Variants in DKK2 observed in about 807,000 individuals in gnomAD.
DKK2 encodes dickkopf-related protein 2.
DKK2 carries 11 observed loss-of-function variants against 28.1 expected under a neutral mutation model. That is an observed-to-expected ratio of 0.39 (90% confidence interval 0.25 to 0.65). DKK2 has a LOEUF of 0.65. DKK2 is among the 30% of genes least tolerant of loss of function. DKK2 has a pLI of 0.47. For synonymous variants in DKK2, 135 were observed against 126.5 expected (o/e 1.07, Z -0.45); for missense variants, 326 against 335.5 (o/e 0.97, Z 0.22).
chr4:106,935,521 C>T (rs529613258), intron 1 of DKK2, among the ~76,000 whole-genome samples: 142 of 152,304 alleles, frequency 9.3e-4, no homozygotes, highest in East Asian at 5.6e-3. Flanking sequence ...AACTGCAAGG[C>T]GGCAGCGAGG....
chr4:106,990,451 C>T (rs1344372461), intron 1 of DKK2, among the ~76,000 whole-genome samples: 5 of 152,178 alleles, frequency 3.3e-5, no homozygotes, highest in African/African-American at 9.7e-5. Context: ...GATTGAGATA[C>T]ACAACCAACC....
At chr4:106,942,966 T>C (rs894103933) in intron 1 of DKK2, among the ~76,000 whole-genome samples, 1 of 152,154 alleles carries the variant, frequency 6.6e-6, no homozygotes, top group African/African-American at 2.4e-5. Flanking sequence ...TCTTGTATTA[T>C]ACACTCCAGC....
intron 1 of DKK2, among the ~76,000 whole-genome samples, chr4:106,953,608 C>T (rs1385874976): frequency 6.6e-6 from 1 of 152,156 alleles, no homozygotes; most frequent in African/African-American, 2.4e-5. Context: ...ATTTCCTACT[C>T]TTTCCACCCA....
intron 1 of DKK2, among the ~76,000 whole-genome samples, chr4:106,985,498 A>C (rs1200530911): frequency 1.3e-5 from 2 of 151,988 alleles, no homozygotes; most frequent in Non-Finnish European, 2.9e-5. Context: ...AATTATCTGA[A>C]AAAAAAGTTT....
At chr4:106,971,900 G>A (rs186354218) in intron 1 of DKK2, among the ~76,000 whole-genome samples, 1 of 152,082 alleles carries the variant, frequency 6.6e-6, no homozygotes, top group East Asian at 1.9e-4. Context: ...TGCAGTGGGT[G>A]GCCTAGTTGG....
intron 1 of DKK2, among the ~76,000 whole-genome samples, chr4:107,025,123 C>T (rs1235975024): frequency 6.6e-6 from 1 of 152,128 alleles, no homozygotes; most frequent in Admixed American, 6.5e-5. Flanking sequence ...AGAAGGGAAA[C>T]TGAGAGAGGA....
chr4:106,971,771 T>C (rs953806523), intron 1 of DKK2, among the ~76,000 whole-genome samples: 5 of 152,100 alleles, frequency 3.3e-5, no homozygotes, highest in South Asian at 2.1e-4. Flanking sequence ...ACAAAAGCCA[T>C]TGAAAGACTT....
At chr4:106,979,223 T>A (rs1722992292) in intron 1 of DKK2, among the ~76,000 whole-genome samples, 1 of 152,028 alleles carries the variant, frequency 6.6e-6, no homozygotes, top group South Asian at 2.1e-4. Flanking sequence ...TTGTAGGATA[T>A]TATATTCATA....
rs138947547 is a variant in DKK2 at position 106,989,551 on chromosome 4, A to G, written c.222+45819T>C. ...CATTCAGGGAACATTTTTCAGAATTATTCTGGTAGAGCACACTATAAAAAT... is the reference window on the plus strand; with the variant it reads ...CATTCAGGGAACATTTTTCAGAATTGTTCTGGTAGAGCACACTATAAAAAT... On this transcript the variant is annotated intron_variant, in intron 1 of 3. Transcript: ENST00000285311. 2.8e-3 allele frequency among the ~76,000 whole-genome samples: 433 copies of G among 152,334 alleles called. 3 individuals are homozygous for G. Among genetic ancestry groups the G allele is most frequent in the African/African-American group, 0.01 (418 of 41,572 alleles).
intron 1 of DKK2, among the ~76,000 whole-genome samples, chr4:106,984,373 G>C (rs1324112975): frequency 6.6e-6 from 1 of 152,052 alleles, no homozygotes; most frequent in Non-Finnish European, 1.5e-5. Context: ...TCAGCCCCTG[G>C]TGACTTCTAT....
At chr4:107,033,578 G>A (rs998603771) in intron 1 of DKK2, among the ~76,000 whole-genome samples, 24 of 152,124 alleles carry the variant, frequency 1.6e-4, no homozygotes, top group African/African-American at 4.8e-4. Context: ...CAGGTATGTT[G>A]GCCCAATAGT....
In DKK2 at chr4:107,005,495, T is replaced by C. The variant is rs571534606; in HGVS notation, c.222+29875A>G. 8.5e-5 allele frequency among the ~76,000 whole-genome samples: 13 copies of C among 152,290 alleles called. No homozygotes were observed. In the South Asian group the frequency reaches 2.7e-3, roughly 32 times the overall value. On this transcript the variant is annotated intron_variant, in intron 1 of 3. Transcript: ENST00000285311. ...CAACAAAAAGTCCTAGAAGATCTGC[T>C]TCTTCCTTCTTGATGCCTTTAACAC...
At chr4:107,034,500 A>G (rs1171296134) in intron 1 of DKK2, among the ~76,000 whole-genome samples, 1 of 152,130 alleles carries the variant, frequency 6.6e-6, no homozygotes, top group Non-Finnish European at 1.5e-5. Flanking sequence ...GTCTATTTGT[A>G]TAACAGTTTG....
intron 1 of DKK2, among the ~76,000 whole-genome samples, chr4:106,943,107 T>C (rs1297260115): frequency 6.6e-6 from 1 of 152,168 alleles, no homozygotes; most frequent in Non-Finnish European, 1.5e-5. Context: ...CAACTCATCA[T>C]TTGGAGATTA....
At chr4:106,946,689 C>G (rs1339473570) in intron 1 of DKK2, among the ~76,000 whole-genome samples, 1 of 151,894 alleles carries the variant, frequency 6.6e-6, no homozygotes, top group African/African-American at 2.4e-5. Flanking sequence ...TCCATCCTCT[C>G]CTTGGAGAGG....
intron 1 of DKK2, among the ~76,000 whole-genome samples, chr4:106,926,926 G>A (rs1033221432): frequency 6.6e-6 from 1 of 152,124 alleles, no homozygotes; most frequent in African/African-American, 2.4e-5. Flanking sequence ...TTCAAAGACT[G>A]GAAGTTGAGA....
At chr4:107,029,092 A>G (rs1251686300) in intron 1 of DKK2, among the ~76,000 whole-genome samples, 4 of 152,180 alleles carry the variant, frequency 2.6e-5, no homozygotes, top group African/African-American at 9.7e-5. Context: ...TCCATGAAGT[A>G]CTAACATACT....
At chr4:106,943,508 T>C (rs1724732209) in intron 1 of DKK2, among the ~76,000 whole-genome samples, 1 of 152,126 alleles carries the variant, frequency 6.6e-6, no homozygotes, top group African/African-American at 2.4e-5. Context: ...TGGATATTTT[T>C]AAATTGATTT....
chr4:107,014,140 A>G (rs904229200), intron 1 of DKK2, among the ~76,000 whole-genome samples: 1 of 151,482 alleles, frequency 6.6e-6, no homozygotes, highest in Admixed American at 6.6e-5. Flanking sequence ...TTCTGAGTAC[A>G]TATCCAAAAG....
Sources: gnomAD v4.1 joint callset for allele counts (sites outside exome capture counted in the v4.1 genomes callset) on GRCh38, gnomAD v4.1.1 for gene constraint, MANE v1.5 for transcripts, NCBI Gene and HGNC (gene_info 2026-07-23, HGNC 2026-07-21) for gene names.